LAMC1: variants seen among roughly 807,000 people sequenced by gnomAD.
LAMC1 encodes the protein laminin subunit gamma 1, also known as laminin subunit gamma-1.
LAMC1 carries 38 observed loss-of-function variants against 173.6 expected under a neutral mutation model. The observed-to-expected ratio is 0.22, with a 90% confidence interval of 0.17 to 0.29. The LOEUF is 0.29. Ranked by LOEUF, LAMC1 falls within the 10% of genes least tolerant of loss-of-function variation. The pLI is 1.00. For synonymous variants in LAMC1, 746 were observed against 749.1 expected (o/e 1.00, Z 0.07); for missense variants, 1,824 against 2,051.8 (o/e 0.89, Z 2.14).
intron 4 of LAMC1, 93 bp from the exon 5 acceptor site, chr1:183,114,438 A>G: frequency 8.1e-7 from 1 of 1,234,188 alleles, no homozygotes; most frequent in Non-Finnish European, 1.2e-6. Flanking sequence ...TGTCTGTCTC[A>G]GAGATGTGGG....
At position 183,122,196 on chromosome 1, in the gene LAMC1, T is replaced by C. The variant is rs1476357826; in HGVS notation, c.2346T>C (p.Ala782=). 1.2e-6 allele frequency: 2 copies of C among 1,614,204 alleles called. No individual in the cohort carries two copies. Among genetic ancestry groups the C allele is most frequent in the African/African-American group, 1.3e-5 (1 of 75,056 alleles). Residue 782 remains alanine, a synonymous_variant, in exon 13 of 28, where the codon GCT becomes GCC. Coordinates refer to ENST00000258341, the MANE Select transcript of LAMC1 (RefSeq NM_002293.4). ...CGTGTCCTGGAGGTTCAAGTTGTGC[T>C]GTTGTTCCCAAGACAAAGGAGGTGG... The part of the protein sequence containing the change: ...PCPCPGGSSC[A]VVPKTKEVVC...
intron 1 of LAMC1, among the ~76,000 whole-genome samples, chr1:183,055,331 T>C (rs1294354998): frequency 2.6e-5 from 4 of 152,016 alleles, no homozygotes; most frequent in Non-Finnish European, 4.4e-5. Context: ...GTGTGAAATG[T>C]GGCGATAGAT....
chr1:183,134,074 A>G (rs1656871023), intron 22 of LAMC1, among the ~76,000 whole-genome samples: 1 of 152,174 alleles, frequency 6.6e-6, no homozygotes, highest in Non-Finnish European at 1.5e-5. Flanking sequence ...GAGGCAGGTA[A>G]AATATTTTGG....
chr1:183,137,664 C>A lies in LAMC1; in HGVS notation c.4315-5C>A. 1.3e-6 allele frequency: 2 copies of A among 1,552,264 alleles called. No homozygotes were observed. The highest frequency in any genetic ancestry group is 1.7e-6 in the Non-Finnish European group (2 of 1,151,542). On this transcript the variant is annotated splice_polypyrimidine_tract_variant and splice_region_variant and intron_variant, in intron 25 of 27. Transcript: ENST00000258341. Reference sequence around the variant, plus strand: ...AAAAAAAGTACAATTTTCTTTTGTGCCTAGAATGCCACCAGCACCAAGGCA... The same window carrying A: ...AAAAAAAGTACAATTTTCTTTTGTGACTAGAATGCCACCAGCACCAAGGCA...
chr1:183,104,244 C>T (rs554768966), intron 2 of LAMC1, among the ~76,000 whole-genome samples: 2 of 152,228 alleles, frequency 1.3e-5, no homozygotes, highest in Non-Finnish European at 2.9e-5. Flanking sequence ...GTACCCATAG[C>T]ACTGTACTTA....
chr1:183,095,835 TA>T (rs1177355691), intron 1 of LAMC1, among the ~76,000 whole-genome samples: 1 of 152,200 alleles, frequency 6.6e-6, no homozygotes, highest in Non-Finnish European at 1.5e-5. Flanking sequence ...GTATATCAAA[TA>T]AAATGGCAAA....
At chr1:183,092,770 T>C (rs1343510276) in intron 1 of LAMC1, among the ~76,000 whole-genome samples, 1 of 152,154 alleles carries the variant, frequency 6.6e-6, no homozygotes, top group African/African-American at 2.4e-5. Context: ...AGAACGTCTT[T>C]GTGGATGAAA....
chr1:183,105,185 A>G (rs1421267708), intron 2 of LAMC1, among the ~76,000 whole-genome samples: 1 of 135,946 alleles, frequency 7.4e-6, no homozygotes, highest in Non-Finnish European at 1.5e-5. Flanking sequence ...AGATCATGCC[A>G]CTGCACTCCA....
chr1:183,095,405 A>G (rs1005524568), intron 1 of LAMC1, among the ~76,000 whole-genome samples: 1 of 152,226 alleles, frequency 6.6e-6, no homozygotes, highest in Non-Finnish European at 1.5e-5. Context: ...TCAATAGTAT[A>G]TGAATATCAC....
intron 1 of LAMC1, among the ~76,000 whole-genome samples, chr1:183,026,969 A>G (rs1327914713): frequency 6.6e-6 from 1 of 152,220 alleles, no homozygotes; most frequent in Non-Finnish European, 1.5e-5. Context: ...TCTTACATTA[A>G]TATGACCCTC....
intron 1 of LAMC1, among the ~76,000 whole-genome samples, chr1:183,102,226 A>G (rs1044662114): frequency 6.6e-6 from 1 of 152,140 alleles, no homozygotes; most frequent in Non-Finnish European, 1.5e-5. Context: ...TCTCCTCAAC[A>G]CTTCTGAGAG....
chr1:183,118,368 ATT>A (rs1656379428), intron 11 of LAMC1, among the ~76,000 whole-genome samples: 1 of 152,202 alleles, frequency 6.6e-6, no homozygotes, highest in Non-Finnish European at 1.5e-5. Flanking sequence ...TTACTAATTG[ATT>A]ACTCAATTGA....
chr1:183,065,903 T>G (rs1267569421), intron 1 of LAMC1, among the ~76,000 whole-genome samples: 2 of 152,218 alleles, frequency 1.3e-5, no homozygotes, highest in African/African-American at 2.4e-5. Context: ...TTGGTCAGGT[T>G]TCTTGAACTT....
chr1:183,035,382 T>C (rs953911051), intron 1 of LAMC1, among the ~76,000 whole-genome samples: 1 of 152,106 alleles, frequency 6.6e-6, no homozygotes, highest in African/African-American at 2.4e-5. Flanking sequence ...AGATGGGGTC[T>C]CTCTGTGTTG....
At position 183,141,257 on chromosome 1, in the gene LAMC1, T is replaced by TTGA. The variant is rs1176853228; in HGVS notation, c.4573+754_4573+755insTGA. The TTGA allele has an allele frequency of 3.3e-5, 5 of 152,262 alleles. No homozygotes were observed. In the East Asian group the frequency reaches 9.6e-4, roughly 29 times the overall value. The allele number at this position is 152,262 out of a possible 1,614,324, so 9.4% of individuals were successfully genotyped here. The stretch of plus-strand genomic sequence containing the variant: ...ACTTGAGTTTGAGGTGATAGTGAGC[T>TTGA]GTTATCGTGCCACTGCACTCCACCC... On this transcript the variant is annotated intron_variant, in intron 27 of 27. Coordinates refer to ENST00000258341, the MANE Select transcript of LAMC1 (RefSeq NM_002293.4).
intron 1 of LAMC1, among the ~76,000 whole-genome samples, chr1:183,085,197 A>C (rs1464689252): frequency 6.6e-6 from 1 of 151,778 alleles, no homozygotes; most frequent in African/African-American, 2.4e-5. Flanking sequence ...CAGCCTGGGC[A>C]ACAGAGTGAG....
Position 183,023,668 on chromosome 1 carries a change from A to G in LAMC1, c.-49A>G. 1 of 1,139,522 alleles carries G rather than the reference A, an allele frequency of 8.8e-7. No individual in the cohort carries two copies. The highest frequency in any genetic ancestry group is 1.1e-6 in the Non-Finnish European group (1 of 926,512). The allele number at this position is 1,139,522 out of a possible 1,614,324, so 70.6% of individuals were successfully genotyped here. The stretch of plus-strand genomic sequence containing the variant: ...CGGGGGACGCCGCTAGGCGAGAGGA[A>G]CGCGCCGGTGCCCTTGCCTTCGCCG... On this transcript the variant is annotated 5_prime_UTR_variant, in exon 1 of 28. Coordinates refer to ENST00000258341, the MANE Select transcript of LAMC1 (RefSeq NM_002293.4).
chr1:183,081,496 T>C (rs1249652177), intron 1 of LAMC1, among the ~76,000 whole-genome samples: 1 of 151,114 alleles, frequency 6.6e-6, no homozygotes, highest in East Asian at 2.0e-4. Flanking sequence ...TACAGTGAGG[T>C]GAGATTGTGC....
At position 183,140,245 on chromosome 1, in the gene LAMC1, C is replaced by CAAAA. The variant is rs56152259; in HGVS notation, c.4474-142_4474-139dup. On this transcript the variant is annotated intron_variant, in intron 26 of 27. Transcript: ENST00000258341. Reference sequence around the variant, plus strand: ...ATATGAAGATATGCAGCAGCCCCACCAAAAAAAAAAAAAAAAAAAAGCAAT... The same window carrying CAAAA: ...ATATGAAGATATGCAGCAGCCCCACCAAAAAAAAAAAAAAAAAAAAAAAAGCAAT... Among the ~76,000 whole-genome samples the CAAAA allele has an allele frequency of 1.8e-3, 97 of 52,878 alleles. 1 individual carries two copies. Among genetic ancestry groups the CAAAA allele is most frequent in the Middle Eastern group, 0.019 (1 of 54 alleles). 34.7% of individuals were successfully genotyped at this position (52,878 alleles called of 152,430 possible).
Sources: gnomAD v4.1 joint callset for allele counts (sites outside exome capture counted in the v4.1 genomes callset) on GRCh38, gnomAD v4.1.1 for gene constraint, MANE v1.5 for transcripts, NCBI Gene and HGNC (gene_info 2026-07-23, HGNC 2026-07-21) for gene names.